Variants in ENTREP2 observed in about 807,000 individuals in gnomAD.
ENTREP2 encodes protein ENTREP2.
At chr15:29,261,822 C>A in the ENTREP2 span, among the ~76,000 whole-genome samples, 1 of 151,150 alleles carries the variant, frequency 6.6e-6, no homozygotes, top group Non-Finnish European at 1.5e-5. Flanking sequence ...AAAAATACAT[C>A]TGAGAATTTA....
the ENTREP2 span, among the ~76,000 whole-genome samples, chr15:29,132,206 G>A: frequency 0.01 from 1,558 of 152,300 alleles, 30 homozygotes; most frequent in African/African-American, 0.035. Flanking sequence ...CTGCGGGGTC[G>A]TGCTGTGAAG....
the ENTREP2 span, among the ~76,000 whole-genome samples, chr15:29,152,335 T>C: frequency 6.6e-6 from 1 of 152,152 alleles, no homozygotes; most frequent in Non-Finnish European, 1.5e-5. Context: ...CTGACATTGG[T>C]ATAGTCAGGA....
the ENTREP2 span, among the ~76,000 whole-genome samples, chr15:29,221,210 T>C: frequency 2.6e-5 from 4 of 152,066 alleles, no homozygotes; most frequent in Non-Finnish European, 4.4e-5. Flanking sequence ...GACACTTTTT[T>C]TTTTTTTTTG....
the ENTREP2 span, among the ~76,000 whole-genome samples, chr15:29,397,701 C>T: frequency 6.6e-6 from 1 of 152,164 alleles, no homozygotes; most frequent in East Asian, 1.9e-4. Context: ...TTCCCATAAA[C>T]ACCAAGAAAT....
chr15:29,447,047 C>T, the ENTREP2 span, among the ~76,000 whole-genome samples: 1 of 152,174 alleles, frequency 6.6e-6, no homozygotes, highest in African/African-American at 2.4e-5. Context: ...CTAACATGTT[C>T]CAGGGATTAA....
chr15:29,657,152 A>G, the ENTREP2 span, among the ~76,000 whole-genome samples: 1 of 151,466 alleles, frequency 6.6e-6, no homozygotes, highest in African/African-American at 2.4e-5. Context: ...CGTTCCGGCC[A>G]TTCTCCTGCC....
At chr15:29,343,117 T>C in the ENTREP2 span, among the ~76,000 whole-genome samples, 1 of 151,996 alleles carries the variant, frequency 6.6e-6, no homozygotes, top group Non-Finnish European at 1.5e-5. Flanking sequence ...TACCCCTTTT[T>C]CTCTGAGAAA....
the ENTREP2 span, among the ~76,000 whole-genome samples, chr15:29,279,366 T>C: frequency 6.7e-6 from 1 of 150,156 alleles, no homozygotes; most frequent in Non-Finnish European, 1.5e-5. Flanking sequence ...AAAATTTAGT[T>C]GGGATTTTTT....
the ENTREP2 span, among the ~76,000 whole-genome samples, chr15:29,498,450 T>C: frequency 6.6e-6 from 1 of 152,174 alleles, no homozygotes; most frequent in Non-Finnish European, 1.5e-5. Flanking sequence ...TTCCCTTCCA[T>C]TAGTTATTTC....
chr15:29,596,623 G>A, the ENTREP2 span, among the ~76,000 whole-genome samples: 3 of 151,804 alleles, frequency 2.0e-5, no homozygotes, highest in Non-Finnish European at 2.9e-5. Flanking sequence ...TCCTTTTGTC[G>A]CATTCTGCCT....
chr15:29,136,371 T>C, the ENTREP2 span: 1 of 1,503,162 alleles, frequency 6.7e-7, no homozygotes, highest in Non-Finnish European at 8.8e-7. Context: ...CTCACCTGGC[T>C]GGCAGGGGGC....
the ENTREP2 span, among the ~76,000 whole-genome samples, chr15:29,439,284 T>TAC: frequency 0.054 from 5,269 of 96,822 alleles, 103 homozygotes; most frequent in African/African-American, 0.083. Context: ...AAATTGGAAT[T>TAC]ACACACACAC....
chr15:29,608,019 G>A, the ENTREP2 span, among the ~76,000 whole-genome samples: 4 of 152,162 alleles, frequency 2.6e-5, no homozygotes, highest in African/African-American at 9.7e-5. Context: ...CATCCAGCAT[G>A]GAAGAAAGAT....
At chr15:29,246,074 C>G in the ENTREP2 span, among the ~76,000 whole-genome samples, 1 of 152,220 alleles carries the variant, frequency 6.6e-6, no homozygotes, top group Non-Finnish European at 1.5e-5. Flanking sequence ...CACTCAGTAT[C>G]TGTTGAGTAA....
chr15:29,569,500 T>C, the ENTREP2 span: 2 of 152,206 alleles, frequency 1.3e-5, no homozygotes, highest in African/African-American at 4.8e-5. Flanking sequence ...AAGTAAAACA[T>C]ACTGAGTTTA....
the ENTREP2 span, among the ~76,000 whole-genome samples, chr15:29,598,931 C>T: frequency 2.6e-5 from 4 of 152,142 alleles, no homozygotes; most frequent in African/African-American, 7.2e-5. Context: ...CTCCTGACCT[C>T]GTGATCCGCC....
the ENTREP2 span, among the ~76,000 whole-genome samples, chr15:29,357,857 G>GAAAAGA: frequency 8.1e-6 from 1 of 123,292 alleles, no homozygotes; most frequent in African/African-American, 2.8e-5. Flanking sequence ...GAAAAGAAAA[G>GAAAAGA]AAAAAAAAAA....
chr15:29,381,175 G>A, the ENTREP2 span, among the ~76,000 whole-genome samples: 1 of 149,602 alleles, frequency 6.7e-6, no homozygotes, highest in East Asian at 2.1e-4. Context: ...TGCCCTTGTT[G>A]GCCAGGCGCA....
At chr15:29,654,022 G>A in the ENTREP2 span, among the ~76,000 whole-genome samples, 2 of 152,046 alleles carry the variant, frequency 1.3e-5, no homozygotes, top group Non-Finnish European at 2.9e-5. Context: ...CATGTGGATT[G>A]AACATATTTC....
Sources: allele counts gnomAD v4.1 joint callset (sites outside exome capture counted in the v4.1 genomes callset), GRCh38; gene constraint gnomAD v4.1.1; transcripts MANE v1.5; gene names NCBI Gene and HGNC (gene_info 2026-07-23, HGNC 2026-07-21).